ABLIM2: variants seen among roughly 807,000 people sequenced by gnomAD.
The protein encoded by ABLIM2 is actin binding LIM protein family member 2, also known as actin-binding LIM protein 2.
A neutral mutation model predicts 97.7 loss-of-function variants in ABLIM2; 53 were observed. The observed-to-expected ratio is 0.54, with a 90% CI of 0.44 to 0.68. The LOEUF is 0.68. ABLIM2 is among the 30% of genes least tolerant of loss of function. The pLI, the probability that ABLIM2 is intolerant of heterozygous loss-of-function variation, is 0.00. For synonymous variants in ABLIM2, 361 were observed against 345.8 expected, an observed-to-expected ratio of 1.04 and a Z score of -0.49; for missense variants, 835 against 867.2, an observed-to-expected ratio of 0.96 and a Z score of 0.47.
intron 6 of ABLIM2, among the ~76,000 whole-genome samples, chr4:8,070,872 C>G (rs891429134): frequency 6.6e-6 from 1 of 152,068 alleles, no homozygotes; most frequent in Non-Finnish European, 1.5e-5. Context: ...CTTCTTGTTA[C>G]CGGGGAGACG....
chr4:7,983,376 A>C (rs1471174640), intron 19 of ABLIM2, 32 bp from the exon 20 acceptor site: 2 of 1,603,084 alleles, frequency 1.2e-6, no homozygotes, highest in South Asian at 1.1e-5. Context: ...GGGTCACCTC[A>C]CGAAGCAAGT....
chr4:8,091,253 T>G (rs1827193001), intron 3 of ABLIM2, among the ~76,000 whole-genome samples: 2 of 115,224 alleles, frequency 1.7e-5, no homozygotes, highest in African/African-American at 3.2e-5. Flanking sequence ...TCATGTATGC[T>G]GTTGGTCATT....
chr4:8,066,267 G>C (rs559251952), intron 6 of ABLIM2, among the ~76,000 whole-genome samples: 48 of 146,742 alleles, frequency 3.3e-4, no homozygotes, highest in Admixed American at 2.7e-4. Flanking sequence ...GATAGCGCCA[G>C]TGCACTCCAG....
At chr4:8,042,632 G>A (rs1403952725) in intron 9 of ABLIM2, among the ~76,000 whole-genome samples, 1 of 152,138 alleles carries the variant, frequency 6.6e-6, no homozygotes, top group Non-Finnish European at 1.5e-5. Flanking sequence ...CTGAGGTCGG[G>A]AGTTTGAGAC....
At position 8,062,768 on chromosome 4, in the gene ABLIM2, C is replaced by G. The variant is rs547041588; in HGVS notation, c.676-1714G>C. 7.2e-5 allele frequency among the ~76,000 whole-genome samples: 11 copies of G among 152,216 alleles called. 1 individual carries two copies. In the South Asian group the frequency reaches 2.1e-3, roughly 29 times the overall value. ...CTGAGTAGCACTCTTAAGTGTAAAT[C>G]AGAGATTGAGACAGCTCTGTATTTT... On this transcript the variant is annotated intron_variant, in intron 6 of 20. Coordinates refer to ENST00000447017, the MANE Select transcript of ABLIM2 (RefSeq NM_001130083.2).
intron 3 of ABLIM2, among the ~76,000 whole-genome samples, chr4:8,089,732 C>CA (rs58396378): frequency 0.24 from 21,270 of 87,142 alleles, 2,745 homozygotes; most frequent in South Asian, 0.36. Context: ...AGATTCATAT[C>CA]AAAAAAAAAA....
intron 5 of ABLIM2, 115 bp from the exon 6 acceptor site, chr4:8,077,836 C>T (rs764129599): frequency 4.7e-4 from 389 of 825,896 alleles, no homozygotes; most frequent in Non-Finnish European, 7.2e-4. Flanking sequence ...CCCACCTCCT[C>T]CTGCTCAGGT....
intron 8 of ABLIM2, among the ~76,000 whole-genome samples, chr4:8,049,408 T>G (rs2151870052): frequency 6.6e-6 from 1 of 152,274 alleles, no homozygotes; most frequent in Non-Finnish European, 1.5e-5. Context: ...AAAAATTAAA[T>G]GCTGGGGCTC....
rs1291931442 is a variant in ABLIM2, at chr4:8,003,423, C to T, written c.1618+4636G>A. ...GAGGGTGTGTGGGTACTGAGGTTCG[C>T]TTTCTACCCAATATACATCGCTTTC... is the stretch of plus-strand genomic sequence containing the variant. On this transcript the variant is annotated intron_variant, in intron 16 of 20. Coordinates refer to ENST00000447017, the MANE Select transcript of ABLIM2 (RefSeq NM_001130083.2). The surrounding 1 kb of genome is among the most constrained non-coding windows in gnomAD (Gnocchi z 4.2). 6.6e-6 allele frequency among the ~76,000 whole-genome samples: 1 copy of T among 152,166 alleles called. No homozygotes were observed. Among genetic ancestry groups the T allele is most frequent in the East Asian group, 1.9e-4 (1 of 5,188 alleles).
At chr4:8,145,022 C>T (rs990010189) in intron 1 of ABLIM2, among the ~76,000 whole-genome samples, 3 of 152,048 alleles carry the variant, frequency 2.0e-5, no homozygotes, top group Non-Finnish European at 2.9e-5. Context: ...CTTTACCAGC[C>T]GTGTGACCTG....
intron 1 of ABLIM2, among the ~76,000 whole-genome samples, chr4:8,143,161 G>GGGGC (rs1851273887): frequency 7.2e-6 from 1 of 139,804 alleles, no homozygotes; most frequent in Non-Finnish European, 1.5e-5. Flanking sequence ...GGCGAGAGTG[G>GGGGC]GGGGGGGGGG....
intron 6 of ABLIM2, among the ~76,000 whole-genome samples, chr4:8,070,052 T>C (rs1237897268): frequency 1.3e-5 from 2 of 152,024 alleles, no homozygotes; most frequent in Non-Finnish European, 2.9e-5. Flanking sequence ...TGTGTATGTA[T>C]CTGTGTATCT....
At chr4:8,016,773 C>T (rs918065185) in intron 14 of ABLIM2, among the ~76,000 whole-genome samples, 2 of 152,210 alleles carry the variant, frequency 1.3e-5, no homozygotes, top group Non-Finnish European at 2.9e-5. Flanking sequence ...CCACAGAACA[C>T]CTGCCCAGTG....
At chr4:8,152,764 T>G (rs188678522) in intron 1 of ABLIM2, among the ~76,000 whole-genome samples, 61 of 152,292 alleles carry the variant, frequency 4.0e-4, no homozygotes, top group African/African-American at 1.3e-3. Context: ...TTGCAACTAT[T>G]TTAACAACCT....
chr4:7,982,309 A>T (rs182406608), intron 20 of ABLIM2, among the ~76,000 whole-genome samples: 242 of 152,312 alleles, frequency 1.6e-3, no homozygotes, highest in African/African-American at 5.1e-3. Context: ...TGGGGCTCAG[A>T]TGGTGCTGGG....
At chr4:8,012,915 T>G (rs1363960233) in intron 14 of ABLIM2, among the ~76,000 whole-genome samples, 1 of 152,210 alleles carries the variant, frequency 6.6e-6, no homozygotes, top group African/African-American at 2.4e-5. Context: ...CTACCCTCTG[T>G]TCACCCTTAG....
chr4:8,083,952 T>A lies in ABLIM2; in HGVS notation c.455-3150A>T, dbSNP rs1821574070. Reference sequence around the variant, plus strand: ...GGTGGCTAGGATGTGCCAGGCAGCCTCCTGGAGCCTCAGCTGGAGCTCAGG... The same window carrying A: ...GGTGGCTAGGATGTGCCAGGCAGCCACCTGGAGCCTCAGCTGGAGCTCAGG... On this transcript the variant is annotated intron_variant, in intron 4 of 20. Transcript: ENST00000447017. The surrounding 1 kb of genome is among the most constrained non-coding windows in gnomAD (Gnocchi z 4.6). 1.3e-5 allele frequency among the ~76,000 whole-genome samples: 2 copies of A among 151,966 alleles called. No homozygotes were observed. The highest frequency in any genetic ancestry group is 6.6e-5 in the Admixed American group (1 of 15,266).
rs1378353735 is a variant in ABLIM2, at chr4:8,023,639, C to G, written c.1268-3336G>C. Among the ~76,000 whole-genome samples, 3 of 152,238 alleles carry G rather than the reference C, an allele frequency of 2.0e-5. No homozygotes were observed. Among genetic ancestry groups the G allele is most frequent in the Non-Finnish European group, 2.9e-5 (2 of 68,042 alleles). ...ATGGCGCTCTCGGGAAGGAGCCACT[C>G]TGTGTAGCCCACACTTGTCCACATG... On this transcript the variant is annotated intron_variant, in intron 12 of 20. Coordinates refer to ENST00000447017, the MANE Select transcript of ABLIM2 (RefSeq NM_001130083.2). This position sits in a 1 kb window ranked among gnomAD's most constrained non-coding sequence, Gnocchi z 5.7.
intron 3 of ABLIM2, among the ~76,000 whole-genome samples, chr4:8,091,607 T>TTATGTATAATTTTATATAAAATTA (rs1480832735): frequency 8.1e-5 from 3 of 37,022 alleles, no homozygotes; most frequent in Admixed American, 1.2e-3. Context: ...ATTATATATA[T>TTATGTATAATTTTATATAAAATTA]TATGTATAAT....
Sources: gnomAD v4.1 joint callset for allele counts (sites outside exome capture counted in the v4.1 genomes callset) on GRCh38, gnomAD v4.1.1 for gene constraint, Gnocchi (gnomAD v3.1) non-coding constraint, MANE v1.5 for transcripts, NCBI Gene and HGNC (gene_info 2026-07-23, HGNC 2026-07-21) for gene names.